The following TRIM33 variants were observed in gnomAD, a reference collection of about 807,000 sequenced individuals.
TRIM33 encodes the protein tripartite motif containing 33.
A neutral mutation model predicts 125.4 loss-of-function variants in TRIM33; 20 were observed. That is an observed-to-expected ratio of 0.16 (90% confidence interval 0.11 to 0.23). TRIM33 has a LOEUF of 0.23. Among genes scored for constraint, TRIM33 ranks in the 10% least tolerant of loss-of-function variants. TRIM33 has a pLI of 1.00. For missense variants in TRIM33, 920 were observed against 1,411.4 expected, an observed-to-expected ratio of 0.65 and a Z score of 5.58; for synonymous variants, 564 against 513.9, an observed-to-expected ratio of 1.10 and a Z score of -1.32.
Position 114,511,002 on chromosome 1 carries a change from C to G in TRIM33, c.75G>C (p.Gly25=). ...GGSGSAPVTA[G]AAGPAAQEAE... ...CCTCCTGCGCGGCGGGCCCGGCGGC[C>G]CCGGCAGTTACCGGCGCGCTGCCGC... is the stretch of plus-strand genomic sequence containing the variant. Residue 25 remains glycine (G), a synonymous_variant, in exon 1 of 20, where the codon GGG becomes GGC. Coordinates refer to ENST00000358465, the MANE Select transcript of TRIM33 (RefSeq NM_015906.4). The G allele has an allele frequency of 7.5e-7, 1 of 1,333,972 alleles. No individual in the cohort carries two copies. The highest frequency in any genetic ancestry group is 1.8e-5 in the South Asian group (1 of 54,520). 82.6% of individuals were successfully genotyped at this position (1,333,972 alleles called of 1,614,324 possible).
chr1:114,411,583 G>A (rs191259263), intron 11 of TRIM33, among the ~76,000 whole-genome samples: 3 of 152,038 alleles, frequency 2.0e-5, no homozygotes, highest in Non-Finnish European at 4.4e-5. Context: ...AAAACAGAAG[G>A]GGGAAGATGA....
chr1:114,453,929 T>C (rs1027574484), intron 4 of TRIM33, among the ~76,000 whole-genome samples: 1 of 152,252 alleles, frequency 6.6e-6, no homozygotes, highest in South Asian at 2.1e-4. Context: ...ACTTCACATT[T>C]GGAACTCTCC....
chr1:114,489,645 T>G (rs1651927143), intron 1 of TRIM33, among the ~76,000 whole-genome samples: 1 of 151,820 alleles, frequency 6.6e-6, no homozygotes, highest in African/African-American at 2.4e-5. Flanking sequence ...CTTGGGAGGC[T>G]GGGGTGGGAG....
rs756788453 is a variant in TRIM33, at chr1:114,393,960, T to A, written c.*3688A>T. 3.6e-5 allele frequency: 8 copies of A among 223,642 alleles called. No individual in the cohort carries two copies. Among genetic ancestry groups the A allele is most frequent in the Non-Finnish European group, 7.2e-5 (8 of 111,800 alleles). The allele number at this position is 223,642 out of a possible 1,614,324, so 13.9% of individuals were successfully genotyped here. On this transcript the variant is annotated 3_prime_UTR_variant, in exon 20 of 20. Coordinates refer to ENST00000358465, the MANE Select transcript of TRIM33 (RefSeq NM_015906.4). ...TCTGACATGCTATTAGGCAACAGAC[T>A]CAAAGCAGTGTTATTGCTTTATCAA...
intron 1 of TRIM33, among the ~76,000 whole-genome samples, chr1:114,491,123 A>C (rs1215335968): frequency 1.3e-5 from 2 of 152,166 alleles, no homozygotes; most frequent in Non-Finnish European, 2.9e-5. Context: ...TATACTAAAA[A>C]CTACTGAACC....
intron 4 of TRIM33, among the ~76,000 whole-genome samples, chr1:114,449,182 A>G (rs1649169516): frequency 6.6e-6 from 1 of 152,098 alleles, no homozygotes; most frequent in African/African-American, 2.4e-5. Flanking sequence ...CAGTAAAAAG[A>G]CGTATCTCAT....
intron 4 of TRIM33, among the ~76,000 whole-genome samples, chr1:114,446,439 C>T (rs1648983144): frequency 6.6e-6 from 1 of 151,562 alleles, no homozygotes; most frequent in African/African-American, 2.4e-5. Flanking sequence ...GGCAATAGTA[C>T]AAAGGATAGT....
intron 4 of TRIM33, among the ~76,000 whole-genome samples, chr1:114,444,925 A>T (rs1365820572): frequency 1.3e-5 from 2 of 152,224 alleles, no homozygotes; most frequent in Admixed American, 6.5e-5. Context: ...CAAACCTTTA[A>T]ATGAACATAG....
At chr1:114,489,071 T>C (rs1453838467) in intron 1 of TRIM33, among the ~76,000 whole-genome samples, 2 of 152,084 alleles carry the variant, frequency 1.3e-5, no homozygotes, top group East Asian at 1.9e-4. Flanking sequence ...AATTTTGTTA[T>C]TGGCATAAAG....
At chr1:114,416,603 A>G (rs1002137083) in intron 11 of TRIM33, among the ~76,000 whole-genome samples, 6 of 152,172 alleles carry the variant, frequency 3.9e-5, no homozygotes, top group Admixed American at 2.0e-4. Context: ...ACCAACAAAT[A>G]TATCTCATAT....
At chr1:114,469,414 G>GT (rs1650503099) in intron 1 of TRIM33, 1 of 152,320 alleles carries the variant, frequency 6.6e-6, no homozygotes, top group African/African-American at 2.4e-5. Flanking sequence ...TGAGTGGTCA[G>GT]TTGGTCTGAA....
intron 1 of TRIM33, among the ~76,000 whole-genome samples, chr1:114,471,988 C>T (rs572398573): frequency 2.6e-5 from 4 of 152,184 alleles, no homozygotes; most frequent in East Asian, 3.9e-4. Flanking sequence ...TCTTTAGTTA[C>T]GCTATTTAGT....
intron 10 of TRIM33, among the ~76,000 whole-genome samples, chr1:114,423,668 G>C (rs1647347436): frequency 6.6e-6 from 1 of 151,668 alleles, no homozygotes; most frequent in African/African-American, 2.4e-5. Context: ...CCAAAATGCT[G>C]GGATTACAGG....
intron 1 of TRIM33, among the ~76,000 whole-genome samples, chr1:114,469,597 C>A (rs568180594): frequency 2.0e-5 from 3 of 152,078 alleles, no homozygotes; most frequent in African/African-American, 7.2e-5. Flanking sequence ...AAAATAGAGA[C>A]CTAGAAAGCA....
intron 4 of TRIM33, among the ~76,000 whole-genome samples, chr1:114,451,359 T>C (rs1649300888): frequency 6.7e-6 from 1 of 148,150 alleles, no homozygotes; most frequent in Admixed American, 6.8e-5. Context: ...AAATCTTCCA[T>C]TCATTACCCT....
chr1:114,397,416 T>G lies in TRIM33; in HGVS notation c.*232A>C. 1.9e-6 allele frequency: 1 copy of G among 527,696 alleles called. No homozygotes were observed. The highest frequency in any genetic ancestry group is 2.6e-5 in the South Asian group (1 of 38,684). The allele number at this position is 527,696 out of a possible 1,614,324, so 32.7% of individuals were successfully genotyped here. ...AGAAATCCTCAAATCATTTCACTTT[T>G]GCTTTTTGCTTTGAAACTTGCAAAC... On this transcript the variant is annotated 3_prime_UTR_variant, in exon 20 of 20. Transcript: ENST00000358465.
At position 114,511,113 on chromosome 1, in the gene TRIM33, GC is replaced by G. The variant is rs1443714383; in HGVS notation, c.-38del. The G allele has an allele frequency of 1.6e-5, 18 of 1,130,432 alleles. No individual in the cohort carries two copies. Among genetic ancestry groups the G allele is most frequent in the Non-Finnish European group, 1.9e-5 (18 of 926,358 alleles). The allele number at this position is 1,130,432 out of a possible 1,614,324, so 70.0% of individuals were successfully genotyped here. On this transcript the variant is annotated 5_prime_UTR_variant, in exon 1 of 20. Coordinates refer to ENST00000358465, the MANE Select transcript of TRIM33 (RefSeq NM_015906.4). ...TGAACCCGCCGGACCGCCCCGCGCC[GC>G]CCGCCGCCCGCGTCGCCGCCGCCGC...
chr1:114,489,746 A>G (rs1413878126), intron 1 of TRIM33, among the ~76,000 whole-genome samples: 3 of 152,084 alleles, frequency 2.0e-5, no homozygotes, highest in Non-Finnish European at 2.9e-5. Flanking sequence ...CCCTGTCTCA[A>G]AAAATAAATA....
chr1:114,444,472 A>C (rs535293744), intron 4 of TRIM33, among the ~76,000 whole-genome samples: 4 of 152,302 alleles, frequency 2.6e-5, no homozygotes, highest in East Asian at 3.9e-4. Flanking sequence ...AGAAACCAGA[A>C]AGGTCACCCT....
Sources: allele counts gnomAD v4.1 joint callset (sites outside exome capture counted in the v4.1 genomes callset), GRCh38; gene constraint gnomAD v4.1.1; transcripts MANE v1.5; gene names NCBI Gene and HGNC (gene_info 2026-07-23, HGNC 2026-07-21).